Variants in TFCP2 observed in about 807,000 individuals in gnomAD.
TFCP2 encodes the protein transcription factor CP2.
TFCP2 carries 33 observed loss-of-function variants against 73.4 expected under a neutral mutation model. That is an observed-to-expected ratio of 0.45 (90% confidence interval 0.34 to 0.60). The LOEUF is 0.60. TFCP2 is among the 20% of genes least tolerant of loss of function. The probability of loss-of-function intolerance (pLI) is 0.01; values close to 1 mark genes in which losing one functional copy is unlikely to be tolerated. For missense variants in TFCP2, 352 were observed against 604.0 expected (o/e 0.58, Z 4.37); for synonymous variants, 193 against 211.6 (o/e 0.91, Z 0.76).
intron 3 of TFCP2, 50 bp downstream of exon 3, chr12:51,117,621 A>T: frequency 6.9e-7 from 1 of 1,442,226 alleles, no homozygotes; most frequent in Non-Finnish European, 9.6e-7. Flanking sequence ...TTAAAATCCC[A>T]AAAGGATTAG....
At chr12:51,140,642 G>T (rs1055091782) in intron 1 of TFCP2, among the ~76,000 whole-genome samples, 3 of 151,014 alleles carry the variant, frequency 2.0e-5, no homozygotes, top group Non-Finnish European at 4.4e-5. Flanking sequence ...ACCCAGGCTG[G>T]AGTGTAGTGG....
intron 7 of TFCP2, 114 bp downstream of exon 7, chr12:51,107,121 GT>G (rs1940267164): frequency 1.2e-6 from 1 of 829,540 alleles, no homozygotes; most frequent in Admixed American, 2.4e-5. Flanking sequence ...CAGAATCCAT[GT>G]GATACTGTGT....
chr12:51,135,113 GAA>G lies in TFCP2; in HGVS notation c.123-16343_123-16342del, dbSNP rs11338328. Among the ~76,000 whole-genome samples the G allele has an allele frequency of 6.1e-3, 880 of 144,674 alleles. 7 individuals are homozygous for G. Among genetic ancestry groups the G allele is most frequent in the African/African-American group, 0.019 (756 of 39,310 alleles). 94.9% of individuals were successfully genotyped at this position (144,674 alleles called of 152,430 possible). A position where few individuals can be genotyped will look rare whatever the true frequency, so the allele number is the denominator to read the frequency against. On this transcript the variant is annotated intron_variant, in intron 1 of 14. Transcript: ENST00000257915. Reference sequence around the variant, plus strand: ...CAACAGAGTGAGACTGTCTCAAAAAGAAAAAAAAAAAACAAAAAACCTACAAT... The same window carrying G: ...CAACAGAGTGAGACTGTCTCAAAAAGAAAAAAAAAACAAAAAACCTACAAT...
At chr12:51,157,446 G>A (rs961767522) in intron 1 of TFCP2, among the ~76,000 whole-genome samples, 1 of 148,542 alleles carries the variant, frequency 6.7e-6, no homozygotes, top group Non-Finnish European at 1.5e-5. Flanking sequence ...CTTCCGAGTA[G>A]CTAGGACTAC....
chr12:51,103,292 GA>G (rs377309708), intron 10 of TFCP2, among the ~76,000 whole-genome samples: 2 of 148,180 alleles, frequency 1.3e-5, no homozygotes, highest in Non-Finnish European at 3.0e-5. Context: ...CAAAGAAAAA[GA>G]AAAAAAAAGC....
chr12:51,128,973 T>C (rs1275948147), intron 1 of TFCP2, among the ~76,000 whole-genome samples: 3 of 152,080 alleles, frequency 2.0e-5, no homozygotes, highest in African/African-American at 7.2e-5. Flanking sequence ...AGGATAAATA[T>C]AAAGTCATAA....
At chr12:51,171,471 G>C (rs965379232) in intron 1 of TFCP2, among the ~76,000 whole-genome samples, 3 of 152,018 alleles carry the variant, frequency 2.0e-5, no homozygotes, top group South Asian at 2.1e-4. Flanking sequence ...TCCGCCTCCC[G>C]GGTTCAAGCG....
intron 1 of TFCP2, among the ~76,000 whole-genome samples, chr12:51,132,355 G>GTTTT (rs1276335598): frequency 1.4e-4 from 3 of 21,472 alleles, no homozygotes; most frequent in East Asian, 1.8e-3. Context: ...TTAGGGATTA[G>GTTTT]TCTTTTTTTT....
At chr12:51,134,528 C>T (rs1053810015) in intron 1 of TFCP2, among the ~76,000 whole-genome samples, 13 of 152,116 alleles carry the variant, frequency 8.5e-5, no homozygotes, top group African/African-American at 2.4e-4. Flanking sequence ...TCAAGCGATC[C>T]GCCAGCCTCA....
At chr12:51,157,205 G>A (rs1487106103) in intron 1 of TFCP2, among the ~76,000 whole-genome samples, 5 of 151,782 alleles carry the variant, frequency 3.3e-5, no homozygotes, top group Non-Finnish European at 5.9e-5. Flanking sequence ...TATTTTTAGT[G>A]GAGACGGGGT....
intron 1 of TFCP2, among the ~76,000 whole-genome samples, chr12:51,161,806 T>C (rs1442366044): frequency 1.7e-5 from 2 of 117,074 alleles, no homozygotes; most frequent in Non-Finnish European, 3.5e-5. Flanking sequence ...AACCACCCCA[T>C]AGCAAGCCCA....
At chr12:51,157,841 C>A (rs555746837) in intron 1 of TFCP2, among the ~76,000 whole-genome samples, 1 of 151,702 alleles carries the variant, frequency 6.6e-6, no homozygotes, top group Non-Finnish European at 1.5e-5. Flanking sequence ...TAGGCGTGTA[C>A]TAATTTTTGT....
Position 51,172,455 on chromosome 12 carries a change from G to T in TFCP2, c.-33C>A. Reference sequence around the variant, plus strand: ...CCTTCCTTGCCCCAGGAGACACCGTGTCTTGTACAAAGGCGCGGAGGGTAA... The same window carrying T: ...CCTTCCTTGCCCCAGGAGACACCGTTTCTTGTACAAAGGCGCGGAGGGTAA... On this transcript the variant is annotated 5_prime_UTR_variant, in exon 1 of 15. Coordinates refer to ENST00000257915, the MANE Select transcript of TFCP2 (RefSeq NM_005653.5). 1 of 1,612,932 alleles carries T rather than the reference G, an allele frequency of 6.2e-7. No homozygotes were observed.
intron 1 of TFCP2, among the ~76,000 whole-genome samples, chr12:51,133,664 C>T (rs1032189607): frequency 2.0e-5 from 3 of 151,990 alleles, no homozygotes; most frequent in East Asian, 3.9e-4. Flanking sequence ...CAGTGGCTCA[C>T]GCCTGTAATC....
intron 1 of TFCP2, among the ~76,000 whole-genome samples, chr12:51,166,995 C>A (rs1941770056): frequency 6.6e-6 from 1 of 152,208 alleles, no homozygotes; most frequent in Admixed American, 6.5e-5. Context: ...CCTCCTCCTC[C>A]ATAGTTCTAG....
At chr12:51,163,503 T>C (rs1030801609) in intron 1 of TFCP2, among the ~76,000 whole-genome samples, 22 of 151,986 alleles carry the variant, frequency 1.4e-4, no homozygotes, top group Non-Finnish European at 2.6e-4. Flanking sequence ...GGCAGGAGAA[T>C]CGCTTGAACT....
At chr12:51,118,034 A>C (rs1480874005) in intron 2 of TFCP2, among the ~76,000 whole-genome samples, 1 of 152,258 alleles carries the variant, frequency 6.6e-6, no homozygotes, top group Admixed American at 6.5e-5. Flanking sequence ...CAATTGGTAA[A>C]TAATAGAGCC....
At chr12:51,118,556 A>G in intron 2 of TFCP2, 65 bp downstream of exon 2, 1 of 1,572,596 alleles carries the variant, frequency 6.4e-7, no homozygotes, top group Non-Finnish European at 8.6e-7. Context: ...AAACAAACAA[A>G]CAAACAAAAA....
Position 51,117,696 on chromosome 12 carries a change from G to C in TFCP2, c.326C>G (p.Pro109Arg). 1.2e-6 allele frequency: 2 copies of C among 1,613,000 alleles called. No individual in the cohort carries two copies. Among genetic ancestry groups the C allele is most frequent in the Non-Finnish European group, 8.5e-7 (1 of 1,179,458 alleles). ...CTTCACCAATTTGCCATTAATTTCT[G>C]GAAGTTCTCCAAGTTTCCTATTGTC... ...MLDNRKLGEL[P>R]EINGKLVKSI... The change falls in exon 3 of 15, where the codon CCA becomes CGA. Residue 109 changes from proline (P) to arginine (R), a missense_variant. By Grantham distance (103) the Pro-to-Arg change is moderately radical. Coordinates refer to ENST00000257915, the MANE Select transcript of TFCP2 (RefSeq NM_005653.5).
Sources: allele counts gnomAD v4.1 joint callset (sites outside exome capture counted in the v4.1 genomes callset), GRCh38; gene constraint gnomAD v4.1.1; transcripts MANE v1.5; gene names NCBI Gene and HGNC (gene_info 2026-07-23, HGNC 2026-07-21).